Variants in LGR5 observed in about 807,000 individuals in gnomAD.
LGR5 encodes the protein leucine rich repeat containing G protein-coupled receptor 5.
A neutral mutation model predicts 76.7 loss-of-function variants in LGR5; 54 were observed. The ratio of observed to expected loss-of-function variants is 0.70; its 90% CI spans 0.57 to 0.88. The LOEUF (loss-of-function observed/expected upper bound fraction) is 0.88. Ranked by LOEUF, LGR5 falls within the 40% of genes least tolerant of loss-of-function variation. LGR5 has a pLI of 0.00. For missense variants in LGR5, 1,078 were observed against 1,073.3 expected (o/e 1.00, Z -0.06); for synonymous variants, 406 against 421.9 (o/e 0.96, Z 0.46).
chr12:71,448,220 TCTC>T (rs1872102566), intron 1 of LGR5, among the ~76,000 whole-genome samples: 1 of 152,074 alleles, frequency 6.6e-6, no homozygotes, highest in Non-Finnish European at 1.5e-5. Flanking sequence ...ATACTTTTGT[TCTC>T]CTTTTTTCTT....
In LGR5 at chr12:71,513,136, A is replaced by G. The variant is rs1282955108; in HGVS notation, c.284+8451A>G. ...GGCTTCTAAAGTGATGGCAATGCAC[A>G]CTAAAATTTGAGTACCACTAAGCAG... On this transcript the variant is annotated intron_variant, in intron 2 of 17. Coordinates refer to ENST00000266674, the MANE Select transcript of LGR5 (RefSeq NM_003667.4). Among the ~76,000 whole-genome samples the G allele has an allele frequency of 5.3e-5, 8 of 152,302 alleles. No homozygotes were observed. In the South Asian group the frequency reaches 1.7e-3, roughly 32 times the overall value.
chr12:71,580,467 G>C, intron 16 of LGR5, 44 bp downstream of exon 16: 1 of 1,558,596 alleles, frequency 6.4e-7, no homozygotes, highest in Non-Finnish European at 8.8e-7. Context: ...GTTGTGTTCA[G>C]TGGAACACAT....
At chr12:71,493,426 T>C (rs1420257730) in intron 1 of LGR5, among the ~76,000 whole-genome samples, 2 of 151,310 alleles carry the variant, frequency 1.3e-5, no homozygotes, top group African/African-American at 4.9e-5. Context: ...TTCTTTGCAA[T>C]TTGGAAAATA....
chr12:71,564,925 ATATGTGTATATATACATACG>A (rs1159581504), intron 8 of LGR5, among the ~76,000 whole-genome samples: 4 of 151,372 alleles, frequency 2.6e-5, no homozygotes, highest in South Asian at 2.1e-4. Flanking sequence ...ATATATACAT[ATATGTGTATATATACATACG>A]TATGTGTATA....
intron 3 of LGR5, among the ~76,000 whole-genome samples, chr12:71,525,886 CTT>C (rs887472739): frequency 1.3e-5 from 2 of 150,926 alleles, no homozygotes; most frequent in Non-Finnish European, 3.0e-5. Context: ...TTATACAAGT[CTT>C]ATACTAATTT....
rs1317880181 is a variant in LGR5, at chr12:71,566,705, G to A, written c.998+5G>A. The A allele has an allele frequency of 1.9e-6, 3 of 1,609,848 alleles. No homozygotes were observed. The highest frequency in any genetic ancestry group is 1.7e-6 in the Non-Finnish European group (2 of 1,176,192). On this transcript the variant is annotated splice_donor_5th_base_variant and intron_variant, in intron 10 of 17. Coordinates refer to ENST00000266674, the MANE Select transcript of LGR5 (RefSeq NM_003667.4). ...AACTGCAAACCTGGAGAGTCTGTAA[G>A]TACTGAGTAGACTCTTGACTTTGCC... is the stretch of plus-strand genomic sequence containing the variant.
chr12:71,568,298 G>T (rs1176449403), intron 11 of LGR5, among the ~76,000 whole-genome samples: 2 of 152,170 alleles, frequency 1.3e-5, no homozygotes, highest in Non-Finnish European at 2.9e-5. Context: ...CTATATGCCA[G>T]CACAGGATCT....
chr12:71,472,400 G>T (rs889684748), intron 1 of LGR5, among the ~76,000 whole-genome samples: 1 of 152,126 alleles, frequency 6.6e-6, no homozygotes, highest in Admixed American at 6.5e-5. Context: ...CCTCATACAT[G>T]GCAGAACAGA....
chr12:71,507,855 C>G (rs1040906242), intron 2 of LGR5, among the ~76,000 whole-genome samples: 2 of 151,812 alleles, frequency 1.3e-5, no homozygotes, highest in South Asian at 2.1e-4. Flanking sequence ...TCTCTTTATA[C>G]GTTAAATAGG....
chr12:71,535,138 G>A lies in LGR5; in HGVS notation c.380G>A (p.Arg127Lys). 2 of 1,611,930 alleles carry A rather than the reference G, an allele frequency of 1.2e-6. No individual in the cohort carries two copies. The highest frequency in any genetic ancestry group is 1.7e-6 in the Non-Finnish European group (2 of 1,178,580). Residue 127 changes from arginine to lysine, a missense_variant, in exon 4 of 18, where the codon AGA becomes AAA. By Grantham distance (26) the Arg-to-Lys change is conservative. Transcript: ENST00000266674. ...KVLMLQNNQL[R>K]HVPTEALQNL... Reference sequence around the variant, plus strand: ...AGTATGCTGCAGAATAATCAGCTAAGACACGTACCCACAGAAGCTCTGCAG... The same window carrying A: ...AGTATGCTGCAGAATAATCAGCTAAAACACGTACCCACAGAAGCTCTGCAG...
chr12:71,562,467 T>C (rs367608109), intron 8 of LGR5, among the ~76,000 whole-genome samples: 1 of 144,680 alleles, frequency 6.9e-6, no homozygotes, highest in African/African-American at 2.5e-5. Flanking sequence ...TCTAACACTT[T>C]GGGAGGCCAA....
chr12:71,538,044 G>T (rs1169078962), intron 4 of LGR5, among the ~76,000 whole-genome samples: 2 of 152,022 alleles, frequency 1.3e-5, no homozygotes, highest in Non-Finnish European at 2.9e-5. Context: ...CTTGATAGGG[G>T]CTGTGAGCTC....
In LGR5 at chr12:71,535,563, T is replaced by C. The variant is rs1023130182; in HGVS notation, c.428+377T>C. On this transcript the variant is annotated intron_variant, in intron 4 of 17. Transcript: ENST00000266674. ...TAGACATTTTGACATCTTTGATTTA[T>C]TCTGTTTTAGGATTATTTGAGTTGC... Among the ~76,000 whole-genome samples, 6 of 152,238 alleles carry C rather than the reference T, an allele frequency of 3.9e-5. No homozygotes were observed. In the East Asian group the frequency reaches 1.2e-3, roughly 29 times the overall value.
At chr12:71,543,551 A>G (rs942561915) in intron 4 of LGR5, among the ~76,000 whole-genome samples, 1 of 152,206 alleles carries the variant, frequency 6.6e-6, no homozygotes, top group Non-Finnish European at 1.5e-5. Context: ...TTGGCCAGAT[A>G]AGGTAAGTAG....
At chr12:71,532,147 A>G (rs560754892) in intron 3 of LGR5, among the ~76,000 whole-genome samples, 1 of 152,336 alleles carries the variant, frequency 6.6e-6, no homozygotes, top group East Asian at 1.9e-4. Context: ...TATTATCTTT[A>G]TCTTATTTAA....
intron 1 of LGR5, among the ~76,000 whole-genome samples, chr12:71,471,059 T>C (rs1490928674): frequency 1.3e-5 from 2 of 152,254 alleles, no homozygotes; most frequent in African/African-American, 4.8e-5. Flanking sequence ...GACACACCTA[T>C]CTGGTGTACA....
upstream of LGR5, among the ~76,000 whole-genome samples, chr12:71,439,540 C>A (rs968582762): frequency 1.3e-4 from 20 of 152,062 alleles, no homozygotes; most frequent in African/African-American, 4.8e-4. Context: ...GTGGGGGGGT[C>A]CCCTATTCCG....
chr12:71,465,894 A>G (rs1383809572), intron 1 of LGR5, among the ~76,000 whole-genome samples: 2 of 152,232 alleles, frequency 1.3e-5, no homozygotes, highest in African/African-American at 4.8e-5. Context: ...AACAGCAGCC[A>G]CTGTATTTTG....
At chr12:71,487,845 T>C (rs1317247107) in intron 1 of LGR5, among the ~76,000 whole-genome samples, 1 of 152,238 alleles carries the variant, frequency 6.6e-6, no homozygotes, top group African/African-American at 2.4e-5. Flanking sequence ...CTCCCTAGAT[T>C]GAACCCAATT....
Sources: allele counts gnomAD v4.1 joint callset (sites outside exome capture counted in the v4.1 genomes callset), GRCh38; gene constraint gnomAD v4.1.1; transcripts MANE v1.5; gene names NCBI Gene and HGNC (gene_info 2026-07-23, HGNC 2026-07-21).